The following BCKDHA variants were observed in gnomAD, a reference collection of about 807,000 sequenced individuals.
BCKDHA encodes the protein 2-oxoisovalerate dehydrogenase subunit alpha, mitochondrial.
BCKDHA carries 43 observed loss-of-function variants against 52.2 expected under a neutral mutation model. That is an observed-to-expected ratio of 0.82 (90% CI 0.64 to 1.06). BCKDHA has a LOEUF of 1.06. BCKDHA is among the 50% of genes least tolerant of loss of function. BCKDHA has a pLI of 0.00. For missense variants in BCKDHA, 527 were observed against 621.3 expected, an observed-to-expected ratio of 0.85 and a Z score of 1.61; for synonymous variants, 234 against 247.9, an observed-to-expected ratio of 0.94 and a Z score of 0.53.
chr19:41,424,636 C>T lies in BCKDHA; in HGVS notation c.*28C>T, dbSNP rs762935272. On this transcript the variant is annotated 3_prime_UTR_variant, in exon 9 of 9. Transcript: ENST00000269980. Reference sequence around the variant, plus strand: ...CCTGCTCAGCCCACCCCCACCCATCCTCAGCTACCCCGAGAGGTAGCCCCA... The same window carrying T: ...CCTGCTCAGCCCACCCCCACCCATCTTCAGCTACCCCGAGAGGTAGCCCCA... 3.2e-6 allele frequency: 5 copies of T among 1,558,506 alleles called. No homozygotes were observed. In the African/African-American group the frequency reaches 4.1e-5, roughly 13 times the overall value.
chr19:41,421,463 G>A (rs952212746), intron 5 of BCKDHA, among the ~76,000 whole-genome samples: 10 of 151,926 alleles, frequency 6.6e-5, no homozygotes, highest in Admixed American at 5.2e-4. Context: ...TGTGAGGGGG[G>A]AGCTGTGTGG....
chr19:41,401,097 G>A (rs761445724), intron 1 of BCKDHA, among the ~76,000 whole-genome samples: 23 of 151,996 alleles, frequency 1.5e-4, no homozygotes, highest in Non-Finnish European at 2.9e-4. Flanking sequence ...TTTTTTCGAG[G>A]TGGAGTTTTG....
chr19:41,418,784 CCAA>C, intron 4 of BCKDHA: 1 of 451,614 alleles, frequency 2.2e-6, no homozygotes, highest in Non-Finnish European at 4.4e-6. Flanking sequence ...AAGCGATCCT[CCAA>C]CGTCAGCCTC....
Position 41,423,626 on chromosome 19 carries a change from G to A in BCKDHA, c.1167+457G>A, listed in dbSNP as rs563139774. Reference sequence around the variant, plus strand: ...GCGGACAGATCACCTGAGGTCGGGAGTTTGAGACCAGCCTGGCCAACATGG... The same window carrying A: ...GCGGACAGATCACCTGAGGTCGGGAATTTGAGACCAGCCTGGCCAACATGG... On this transcript the variant is annotated intron_variant, in intron 8 of 8. Coordinates refer to ENST00000269980, the MANE Select transcript of BCKDHA (RefSeq NM_000709.4). Among the ~76,000 whole-genome samples the A allele has an allele frequency of 5.3e-5, 8 of 152,210 alleles. No homozygotes were observed. The East Asian group carries it at 1.3e-3, about 26-fold the overall frequency.
intron 1 of BCKDHA, among the ~76,000 whole-genome samples, chr19:41,403,532 C>A (rs997511838): frequency 2.0e-5 from 3 of 152,202 alleles, no homozygotes; most frequent in Admixed American, 6.5e-5. Context: ...TTCAGGGTCC[C>A]AGGGCGCCAG....
chr19:41,422,741 G>A lies in BCKDHA; in HGVS notation c.966G>A (p.Gln322=). 1 of 1,613,878 alleles carries A rather than the reference G, an allele frequency of 6.2e-7. No homozygotes were observed. The highest frequency in any genetic ancestry group is 8.5e-7 in the Non-Finnish European group (1 of 1,180,016). The change falls in exon 7 of 9, where the codon CAG becomes CAA. Residue 322 remains glutamine, a synonymous_variant. Coordinates refer to ENST00000269980, the MANE Select transcript of BCKDHA (RefSeq NM_000709.4). ...EARRRAVAEN[Q]PFLIEAMTYR... ...GACGGCGGGCTGTGGCAGAGAACCAGCCCTTCCTCATCGAGGCCATGACCT... is the reference window on the plus strand; with the variant it reads ...GACGGCGGGCTGTGGCAGAGAACCAACCCTTCCTCATCGAGGCCATGACCT...
At chr19:41,421,547 C>A (rs2039364604) in intron 5 of BCKDHA, among the ~76,000 whole-genome samples, 2 of 150,586 alleles carry the variant, frequency 1.3e-5, no homozygotes, top group Admixed American at 1.3e-4. Context: ...GTGGAGTGAG[C>A]AGGTGTGGAG....
In BCKDHA at chr19:41,424,457, A is replaced by C; in HGVS notation, c.1187A>C (p.Gln396Pro). The change falls in exon 9 of 9, where the codon CAG becomes CCG. Residue 396 changes from glutamine to proline, a missense_variant. Gln to Pro is a moderately conservative substitution (Grantham distance 76). Coordinates refer to ENST00000269980, the MANE Select transcript of BCKDHA (RefSeq NM_000709.4). Reference protein sequence around the residue: ...SRRKVMEAFEQAERKPKPNPN... With the variant: ...SRRKVMEAFEPAERKPKPNPN... ...CCACAGGTGATGGAGGCCTTTGAGC[A>C]GGCCGAGCGGAAGCCCAAACCCAAC... is the stretch of plus-strand genomic sequence containing the variant. 6.2e-7 allele frequency: 1 copy of C among 1,614,106 alleles called. No homozygotes were observed. Among genetic ancestry groups the C allele is most frequent in the Non-Finnish European group, 8.5e-7 (1 of 1,180,036 alleles).
chr19:41,418,058 C>T (rs2039324227), intron 4 of BCKDHA, among the ~76,000 whole-genome samples: 1 of 141,586 alleles, frequency 7.1e-6, no homozygotes. Context: ...CGCCACTGCA[C>T]TCCAGCCTGG....
At chr19:41,419,530 C>T (rs987304769) in intron 5 of BCKDHA, among the ~76,000 whole-genome samples, 2 of 152,174 alleles carry the variant, frequency 1.3e-5, no homozygotes, top group African/African-American at 4.8e-5. Flanking sequence ...CAGCCTCCTT[C>T]TCCCAGCTTC....
intron 4 of BCKDHA, chr19:41,418,897 C>T: frequency 1.9e-6 from 1 of 538,288 alleles, no homozygotes; most frequent in Non-Finnish European, 3.4e-6. Context: ...GTTGAAAGCA[C>T]TTAAATACCA....
rs755750415 is a variant in BCKDHA at position 41,410,720 on chromosome 19, G to A, written c.192G>A (p.Lys64=). 8 of 1,614,202 alleles carry A rather than the reference G, an allele frequency of 5.0e-6. No homozygotes were observed. Among genetic ancestry groups the A allele is most frequent in the Admixed American group, 3.3e-5 (2 of 60,024 alleles). ...GGGCCTCGGCGGAGTTTATAGATAA[G>A]TTGGAATTCATCCAGCCCAACGTCA... ...FPGASAEFID[K]LEFIQPNVIS... The change falls in exon 2 of 9, where the codon AAG becomes AAA. Residue 64 remains lysine (K), a synonymous_variant. Transcript: ENST00000269980.
intron 4 of BCKDHA, chr19:41,415,374 G>T (rs145173140): frequency 1.3e-5 from 2 of 152,260 alleles, no homozygotes; most frequent in African/African-American, 4.8e-5. Context: ...CATGGGAGCC[G>T]CTGAGCTCTC....
chr19:41,419,083 A>G (rs1270836040), intron 4 of BCKDHA, 52 bp from the exon 5 acceptor site: 5 of 1,607,550 alleles, frequency 3.1e-6, no homozygotes, highest in South Asian at 2.2e-5. Context: ...ACAGGGCTGA[A>G]CTGTCCCCCT....
intron 1 of BCKDHA, among the ~76,000 whole-genome samples, chr19:41,405,731 G>A (rs1336239626): frequency 1.3e-5 from 2 of 152,164 alleles, no homozygotes; most frequent in African/African-American, 4.8e-5. Context: ...GGCTCAGGGA[G>A]TTTAAGTCAC....
rs141610208 is a variant in BCKDHA, at chr19:41,420,810, T to C, written c.647-1354T>C. ...AGTCCCTTCCCTTATAAGAGCTTTT[T>C]TGGGAAGCAAACCCACTGGGTGCCA... is the stretch of plus-strand genomic sequence containing the variant. On this transcript the variant is annotated intron_variant, in intron 5 of 8. Coordinates refer to ENST00000269980, the MANE Select transcript of BCKDHA (RefSeq NM_000709.4). Among the ~76,000 whole-genome samples, 5 of 152,294 alleles carry C rather than the reference T, an allele frequency of 3.3e-5. No homozygotes were observed. In the East Asian group the frequency reaches 7.7e-4, roughly 24 times the overall value.
Position 41,414,093 on chromosome 19 carries a change from G to T in BCKDHA, c.420G>T (p.Thr140=), listed in dbSNP as rs143608852. ...FYMTNYGEEG[T]HVGSAAALDN... is the part of the protein sequence containing the mutation. ...TGACCAACTATGGTGAGGAGGGCAC[G>T]CACGTGGGGAGTGCCGCCGCCCTGG... The change falls in exon 4 of 9, where the codon ACG becomes ACT. Residue 140 remains threonine, a synonymous_variant. Coordinates refer to ENST00000269980, the MANE Select transcript of BCKDHA (RefSeq NM_000709.4). The T allele has an allele frequency of 2.5e-6, 4 of 1,613,762 alleles. No homozygotes were observed. Among genetic ancestry groups the T allele is most frequent in the Non-Finnish European group, 3.4e-6 (4 of 1,180,040 alleles).
intron 1 of BCKDHA, among the ~76,000 whole-genome samples, chr19:41,406,904 G>T (rs576018074): frequency 9.9e-5 from 15 of 152,000 alleles, no homozygotes; most frequent in African/African-American, 3.6e-4. Context: ...CAGAGACGAG[G>T]GTTTTGCCTA....
chr19:41,411,544 A>G (rs1222484314), intron 3 of BCKDHA, among the ~76,000 whole-genome samples: 1 of 152,174 alleles, frequency 6.6e-6, no homozygotes, highest in East Asian at 1.9e-4. Flanking sequence ...GGGAAGGCGG[A>G]AGGCCAGACA....
Sources: gnomAD v4.1 joint callset for allele counts (sites outside exome capture counted in the v4.1 genomes callset) on GRCh38, gnomAD v4.1.1 for gene constraint, MANE v1.5 for transcripts, NCBI Gene and HGNC (gene_info 2026-07-23, HGNC 2026-07-21) for gene names.